Variants in NR1H4 observed in about 807,000 individuals in gnomAD.
The protein encoded by NR1H4 is bile acid receptor.
A neutral mutation model predicts 58.5 loss-of-function variants in NR1H4; 23 were observed. The observed-to-expected ratio is 0.39, with a 90% CI of 0.28 to 0.56. The LOEUF (loss-of-function observed/expected upper bound fraction) is 0.56. NR1H4 is among the 20% of genes least tolerant of loss of function. The pLI, the probability that NR1H4 is intolerant of heterozygous loss-of-function variation, is 0.58. For missense variants in NR1H4, 487 were observed against 576.9 expected, an observed-to-expected ratio of 0.84 and a Z score of 1.60; for synonymous variants, 214 against 198.0, an observed-to-expected ratio of 1.08 and a Z score of -0.68.
At chr12:100,501,233 T>C (rs2136124138) in intron 3 of NR1H4, among the ~76,000 whole-genome samples, 1 of 152,118 alleles carries the variant, frequency 6.6e-6, no homozygotes, top group African/African-American at 2.4e-5. Context: ...TTCTGAATCA[T>C]TCGTCTAGCT....
At chr12:100,505,841 A>G (rs1473099628) in intron 3 of NR1H4, 4 of 454,724 alleles carry the variant, frequency 8.8e-6, no homozygotes, top group Non-Finnish European at 1.6e-5. Flanking sequence ...TTTTCTGCCA[A>G]TGTTGTATTT....
At chr12:100,511,874 A>T (rs559809598) in intron 4 of NR1H4, among the ~76,000 whole-genome samples, 3 of 152,062 alleles carry the variant, frequency 2.0e-5, no homozygotes, top group African/African-American at 7.2e-5. Context: ...GTGAGCCAAG[A>T]TCGCACCATT....
intron 3 of NR1H4, among the ~76,000 whole-genome samples, chr12:100,505,117 C>G (rs1209699049): frequency 6.6e-6 from 1 of 152,034 alleles, no homozygotes; most frequent in African/African-American, 2.4e-5. Flanking sequence ...AAAAAAGTGA[C>G]TTTTCTAGGC....
chr12:100,522,151 ATGGTGATGGTGG>A (rs760958615), intron 4 of NR1H4, among the ~76,000 whole-genome samples: 1 of 151,880 alleles, frequency 6.6e-6, no homozygotes, highest in Non-Finnish European at 1.5e-5. Context: ...GGTGATGGTG[ATGGTGATGGTGG>A]TGGTGATAAT....
rs752375150 is a variant in NR1H4 at position 100,536,562 on chromosome 12, G to A, written c.783G>A (p.Met261Ile). The A allele has an allele frequency of 1.9e-6, 3 of 1,608,770 alleles. No homozygotes were observed. Among genetic ancestry groups the A allele is most frequent in the South Asian group, 1.1e-5 (1 of 90,906 alleles). ...AACAGACTCTTCTACATTTTATTATGGATTCATATAACAAACAGAGGATGC... is the reference window on the plus strand; with the variant it reads ...AACAGACTCTTCTACATTTTATTATAGATTCATATAACAAACAGAGGATGC... The part of the protein sequence containing the change: ...PDQQTLLHFI[M>I]DSYNKQRMPQ... Residue 261 changes from methionine to isoleucine, a missense_variant, in exon 7 of 11, where the codon ATG becomes ATA. Met to Ile is a conservative substitution (Grantham distance 10). Coordinates refer to ENST00000392986, the MANE Select transcript of NR1H4 (RefSeq NM_001206979.2).
intron 3 of NR1H4, among the ~76,000 whole-genome samples, chr12:100,506,372 TAGTCCAACC>T (rs1215450912): frequency 2.6e-5 from 4 of 152,366 alleles, no homozygotes; most frequent in Non-Finnish European, 5.9e-5. Flanking sequence ...GAAGTTGTTC[TAGTCCAACC>T]ATTTTGGAAT....
intron 4 of NR1H4, among the ~76,000 whole-genome samples, chr12:100,523,329 G>GT (rs1954475167): frequency 6.6e-6 from 1 of 152,082 alleles, no homozygotes; most frequent in Admixed American, 6.5e-5. Flanking sequence ...GTTTTCATGT[G>GT]TTTTTTGGCC....
At chr12:100,533,735 T>C (rs926247630) in intron 5 of NR1H4, among the ~76,000 whole-genome samples, 14 of 152,166 alleles carry the variant, frequency 9.2e-5, no homozygotes, top group African/African-American at 2.9e-4. Context: ...GAACACAAAC[T>C]CATCCAGTAA....
chr12:100,514,333 AT>A (rs1263908201), intron 4 of NR1H4, among the ~76,000 whole-genome samples: 1 of 152,358 alleles, frequency 6.6e-6, no homozygotes, highest in East Asian at 1.9e-4. Flanking sequence ...TGCCTGTTTC[AT>A]CTTCTAAGCA....
intron 9 of NR1H4, among the ~76,000 whole-genome samples, chr12:100,553,903 C>G (rs1446631552): frequency 6.6e-6 from 1 of 152,206 alleles, no homozygotes; most frequent in Non-Finnish European, 1.5e-5. Context: ...CCAGTAGACT[C>G]CCCTTTAGTC....
intron 3 of NR1H4, among the ~76,000 whole-genome samples, chr12:100,493,685 T>C (rs1412339517): frequency 6.6e-6 from 1 of 152,232 alleles, no homozygotes; most frequent in East Asian, 1.9e-4. Context: ...TAGAAAGCGA[T>C]TCCTCCTCTA....
At chr12:100,522,122 T>C (rs373351732) in intron 4 of NR1H4, among the ~76,000 whole-genome samples, 61 of 151,854 alleles carry the variant, frequency 4.0e-4, no homozygotes, top group African/African-American at 1.4e-3. Flanking sequence ...ATGATGATGA[T>C]GATGGTGATG....
intron 9 of NR1H4, among the ~76,000 whole-genome samples, chr12:100,559,480 C>G (rs368765735): frequency 2.0e-5 from 3 of 152,320 alleles, no homozygotes; most frequent in East Asian, 1.9e-4. Flanking sequence ...TCGGAGCAGC[C>G]GGCCAGCCCT....
At chr12:100,491,407 GT>G (rs1309280365) in intron 1 of NR1H4, among the ~76,000 whole-genome samples, 1 of 151,316 alleles carries the variant, frequency 6.6e-6, no homozygotes, top group Non-Finnish European at 1.5e-5. Flanking sequence ...TCTTCTGCTT[GT>G]TGCATTGGAC....
chr12:100,487,580 ATTC>A lies in NR1H4; in HGVS notation c.-189-4908_-189-4906del, dbSNP rs1240473502. Reference sequence around the variant, plus strand: ...CTTTTTCTTTTCTTTACCTGCTCTGATTCTTCTTCTTCTTCTTTTTTTTTTTTT... The same window carrying A: ...CTTTTTCTTTTCTTTACCTGCTCTGATTCTTCTTCTTCTTTTTTTTTTTTT... On this transcript the variant is annotated intron_variant, in intron 1 of 10. Transcript: ENST00000392986. Among the ~76,000 whole-genome samples, 359 of 137,828 alleles carry A rather than the reference ATTC, an allele frequency of 2.6e-3. 1 individual carries two copies. The highest frequency in any genetic ancestry group is 4.5e-3 in the Admixed American group (58 of 12,880). The allele number at this position is 137,828 out of a possible 152,430, so 90.4% of individuals were successfully genotyped here.
At chr12:100,549,121 G>A (rs772624275) in intron 9 of NR1H4, among the ~76,000 whole-genome samples, 16 of 152,036 alleles carry the variant, frequency 1.1e-4, no homozygotes, top group Non-Finnish European at 2.9e-5. Flanking sequence ...GGCAGATCAC[G>A]AGGTCACAAG....
intron 10 of NR1H4, 86 bp downstream of exon 10, chr12:100,562,084 T>G: frequency 1.4e-6 from 1 of 724,282 alleles, no homozygotes; most frequent in Non-Finnish European, 2.4e-6. Flanking sequence ...CTGGAAAACA[T>G]AGAAATATAA....
chr12:100,536,022 C>T (rs941121740), intron 6 of NR1H4, among the ~76,000 whole-genome samples: 2 of 152,072 alleles, frequency 1.3e-5, no homozygotes, highest in African/African-American at 4.8e-5. Context: ...TCCAATAAAA[C>T]TTTATAAAAT....
At chr12:100,540,403 G>C (rs2136251172) in intron 8 of NR1H4, among the ~76,000 whole-genome samples, 1 of 152,248 alleles carries the variant, frequency 6.6e-6, no homozygotes, top group African/African-American at 2.4e-5. Context: ...TAGTTTCTGA[G>C]GGTTTCTTCA....
Sources: gnomAD v4.1 joint callset for allele counts (sites outside exome capture counted in the v4.1 genomes callset) on GRCh38, gnomAD v4.1.1 for gene constraint, MANE v1.5 for transcripts, NCBI Gene and HGNC (gene_info 2026-07-23, HGNC 2026-07-21) for gene names.